The following PRKN variants were observed in gnomAD, a reference collection of about 807,000 sequenced individuals.
PRKN encodes E3 ubiquitin-protein ligase parkin.
A neutral mutation model predicts 59.5 loss-of-function variants in PRKN; 56 were observed. The ratio of observed to expected loss-of-function variants is 0.94; its 90% confidence interval spans 0.76 to 1.18. PRKN has a LOEUF of 1.18. PRKN is among the 50% of genes most tolerant of loss of function. The pLI, the probability that PRKN is intolerant of heterozygous loss-of-function variation, is 0.00. For synonymous variants in PRKN, 250 were observed against 222.1 expected (o/e 1.13, Z -1.12); for missense variants, 657 against 596.4 (o/e 1.10, Z -1.06).
chr6:161,449,891 A>G (rs1422014714), intron 9 of PRKN, among the ~76,000 whole-genome samples: 4 of 152,232 alleles, frequency 2.6e-5, no homozygotes, highest in Non-Finnish European at 5.9e-5. Context: ...TCTCCATTTC[A>G]ATGCACTGCC....
chr6:162,672,875 A>T (rs907002764), intron 1 of PRKN, among the ~76,000 whole-genome samples: 1 of 152,204 alleles, frequency 6.6e-6, no homozygotes, highest in Non-Finnish European at 1.5e-5. Flanking sequence ...AATACATATC[A>T]AATGTCTTGA....
rs117531016 is a variant in PRKN, at chr6:161,427,442, C to T, written c.1084-40565G>A. Among the ~76,000 whole-genome samples, 11 of 152,232 alleles carry T rather than the reference C, an allele frequency of 7.2e-5. No individual in the cohort carries two copies. In the East Asian group the frequency reaches 1.7e-3, roughly 24 times the overall value. On this transcript the variant is annotated intron_variant, in intron 9 of 11. Coordinates refer to ENST00000366898, the MANE Select transcript of PRKN (RefSeq NM_004562.3). ...AATAACTTACTCAAGCCCACCAGCTCGTAAAAGACACAGCTGGGATTAGAA... is the reference window on the plus strand; with the variant it reads ...AATAACTTACTCAAGCCCACCAGCTTGTAAAAGACACAGCTGGGATTAGAA...
intron 3 of PRKN, among the ~76,000 whole-genome samples, chr6:162,219,473 A>T (rs1777840517): frequency 6.6e-6 from 1 of 152,162 alleles, no homozygotes; most frequent in Admixed American, 6.6e-5. Context: ...CTTTGCATAG[A>T]TACTATATCT....
chr6:162,581,363 T>C (rs1780782870), intron 1 of PRKN, among the ~76,000 whole-genome samples: 1 of 152,390 alleles, frequency 6.6e-6, no homozygotes, highest in African/African-American at 2.4e-5. Flanking sequence ...ATTAAATTCC[T>C]AGCTCACCAG....
At chr6:162,499,822 T>G (rs1793278370) in intron 1 of PRKN, among the ~76,000 whole-genome samples, 1 of 152,194 alleles carries the variant, frequency 6.6e-6, no homozygotes, top group Non-Finnish European at 1.5e-5. Flanking sequence ...TATCTTAATT[T>G]CAGACTACTT....
Position 161,550,339 on chromosome 6 carries a change from C to T in PRKN, c.934-1336G>A, listed in dbSNP as rs1779955290. 6.6e-6 allele frequency among the ~76,000 whole-genome samples: 1 copy of T among 152,200 alleles called. No homozygotes were observed. The highest frequency in any genetic ancestry group is 2.1e-4 in the South Asian group (1 of 4,828). On this transcript the variant is annotated intron_variant, in intron 8 of 11. Coordinates refer to ENST00000366898, the MANE Select transcript of PRKN (RefSeq NM_004562.3). The surrounding 1 kb of genome is among the most constrained non-coding windows in gnomAD (Gnocchi z 4.0). ...GGAAGATACCAGAACCACTGCAGAA[C>T]TCTGAGGCTGAGGCATGACATAATT...
chr6:161,701,753 A>T (rs1786260363), intron 7 of PRKN, among the ~76,000 whole-genome samples: 1 of 152,248 alleles, frequency 6.6e-6, no homozygotes, highest in Admixed American at 6.5e-5. Context: ...TATTTCACAT[A>T]AATTTAGAAA....
At chr6:162,385,209 A>C (rs1786736395) in intron 2 of PRKN, among the ~76,000 whole-genome samples, 1 of 152,182 alleles carries the variant, frequency 6.6e-6, no homozygotes, top group Non-Finnish European at 1.5e-5. Flanking sequence ...GTAATAAACT[A>C]AGTTTTAACC....
At chr6:161,904,394 C>A (rs549277010) in intron 6 of PRKN, among the ~76,000 whole-genome samples, 6 of 145,376 alleles carry the variant, frequency 4.1e-5, no homozygotes, top group African/African-American at 1.6e-4. Flanking sequence ...CAGCTCACTG[C>A]AACCTCCACC....
chr6:161,956,684 G>A (rs1181816214), intron 6 of PRKN, among the ~76,000 whole-genome samples: 2 of 151,950 alleles, frequency 1.3e-5, no homozygotes, highest in East Asian at 1.9e-4. Flanking sequence ...TATGGACTAG[G>A]AGTTGCAAAA....
intron 7 of PRKN, among the ~76,000 whole-genome samples, chr6:161,665,718 T>C (rs1784702177): frequency 6.6e-6 from 1 of 152,194 alleles, no homozygotes; most frequent in South Asian, 2.1e-4. Flanking sequence ...CTTCCAGTAG[T>C]GATTTTTAAA....
chr6:162,235,958 GAAGAAAGA>G (rs58769358), intron 3 of PRKN, among the ~76,000 whole-genome samples: 2,569 of 92,398 alleles, frequency 0.028, 81 homozygotes, highest in Non-Finnish European at 0.036. Context: ...AGGAAGAAAG[GAAGAAAGA>G]AAGAAAGAAA....
intron 6 of PRKN, among the ~76,000 whole-genome samples, chr6:161,856,180 T>C (rs1893095): frequency 0.5 from 75,543 of 151,726 alleles, 19,046 homozygotes; most frequent in East Asian, 0.76. Context: ...GTCAACACGG[T>C]GAAACCCAGT....
At chr6:162,090,563 T>C (rs932251019) in intron 4 of PRKN, among the ~76,000 whole-genome samples, 19 of 152,212 alleles carry the variant, frequency 1.2e-4, no homozygotes, top group Non-Finnish European at 2.6e-4. Flanking sequence ...TATTCTCTTA[T>C]GGTCTAGTGA....
chr6:161,878,159 T>C (rs1794805294), intron 6 of PRKN, among the ~76,000 whole-genome samples: 1 of 152,106 alleles, frequency 6.6e-6, no homozygotes, highest in South Asian at 2.1e-4. Context: ...CAAATCAAAA[T>C]GAAACGTATT....
chr6:161,675,994 T>C (rs2128170545), intron 7 of PRKN, among the ~76,000 whole-genome samples: 1 of 152,292 alleles, frequency 6.6e-6, no homozygotes, highest in Non-Finnish European at 1.5e-5. Flanking sequence ...TGAGTTATCT[T>C]TTCCTTCCAG....
rs566518119 is a variant in PRKN, at chr6:161,503,857, G to A, written c.1083+44997C>T. Among the ~76,000 whole-genome samples the A allele has an allele frequency of 6.6e-6, 1 of 152,178 alleles. No individual in the cohort carries two copies. The highest frequency in any genetic ancestry group is 2.4e-5 in the African/African-American group (1 of 41,448). Reference sequence around the variant, plus strand: ...CCAGGAATCCACAGGCTTCTATTCTGATAATGATGATTATATCACCACCAG... The same window carrying A: ...CCAGGAATCCACAGGCTTCTATTCTAATAATGATGATTATATCACCACCAG... On this transcript the variant is annotated intron_variant, in intron 9 of 11. Transcript: ENST00000366898. This position sits in a 1 kb window ranked among gnomAD's most constrained non-coding sequence, Gnocchi z 5.1.
rs1554274005 is a variant in PRKN at position 162,122,716 on chromosome 6, T to TTCTTTCTATCTA, written c.535-68543_535-68542insTAGATAGAAAGA. On this transcript the variant is annotated intron_variant, in intron 4 of 11. Transcript: ENST00000366898. ...TTTGGATAGCCTGGGGCTCAATCTG[T>TTCTTTCTATCTA]TCTATCTATCTATCTATCTATCTAT... 2.0e-4 allele frequency among the ~76,000 whole-genome samples: 30 copies of TTCTTTCTATCTA among 147,804 alleles called. 1 individual carries two copies. The highest frequency in any genetic ancestry group is 6.6e-4 in the African/African-American group (26 of 39,680).
In PRKN at chr6:161,471,195, A is replaced by G. The variant is rs1322223789; in HGVS notation, c.1083+77659T>C. 6.6e-6 allele frequency among the ~76,000 whole-genome samples: 1 copy of G among 152,178 alleles called. No individual in the cohort carries two copies. Among genetic ancestry groups the G allele is most frequent in the Non-Finnish European group, 1.5e-5 (1 of 68,030 alleles). ...AGGGAGAGACAGAGAAAGGCCAGGT[A>G]ATGAATAGAGTGAAAAATGTACATT... On this transcript the variant is annotated intron_variant, in intron 9 of 11. Transcript: ENST00000366898. The surrounding 1 kb of genome is among the most constrained non-coding windows in gnomAD (Gnocchi z 4.5).
Sources: allele counts gnomAD v4.1 joint callset (sites outside exome capture counted in the v4.1 genomes callset), GRCh38; gene constraint gnomAD v4.1.1; non-coding constraint Gnocchi (gnomAD v3.1); transcripts MANE v1.5; gene names NCBI Gene and HGNC (gene_info 2026-07-23, HGNC 2026-07-21).